HERC4: variants seen among roughly 807,000 people sequenced by gnomAD.
The protein encoded by HERC4 is HECT and RLD domain containing E3 ubiquitin protein ligase 4, also known as probable E3 ubiquitin-protein ligase HERC4.
A neutral mutation model predicts 124.3 loss-of-function variants in HERC4; 28 were observed. The ratio of observed to expected loss-of-function variants is 0.23; its 90% CI spans 0.17 to 0.31. The LOEUF is 0.31. Among genes scored for constraint, HERC4 ranks in the 10% least tolerant of loss-of-function variants. The pLI is 1.00. For missense variants in HERC4, 713 were observed against 1,229.3 expected, an observed-to-expected ratio of 0.58 and a Z score of 6.28; for synonymous variants, 407 against 421.5, an observed-to-expected ratio of 0.97 and a Z score of 0.42.
intron 21 of HERC4, among the ~76,000 whole-genome samples, chr10:67,937,163 C>T (rs1339076499): frequency 1.3e-5 from 2 of 151,564 alleles, no homozygotes; most frequent in Non-Finnish European, 2.9e-5. Flanking sequence ...TTAGATATTA[C>T]AATAAATACC....
At chr10:67,957,911 G>A (rs1370260617) in intron 16 of HERC4, among the ~76,000 whole-genome samples, 1 of 152,050 alleles carries the variant, frequency 6.6e-6, no homozygotes. Flanking sequence ...GGGTTCAAGC[G>A]ATTCTCCTGC....
intron 19 of HERC4, among the ~76,000 whole-genome samples, chr10:67,947,979 A>G (rs775984496): frequency 8.6e-5 from 13 of 151,738 alleles, no homozygotes; most frequent in Non-Finnish European, 1.8e-4. Context: ...ATGAGCCACC[A>G]TGCCCAGTCT....
chr10:68,003,328 A>ATTTTTTTT (rs34287961), intron 9 of HERC4, among the ~76,000 whole-genome samples: 1 of 130,840 alleles, frequency 7.6e-6, no homozygotes. Context: ...TGCCTGACTA[A>ATTTTTTTT]TTTTTTTTTT....
chr10:68,044,365 A>C lies in HERC4; in HGVS notation c.386+39T>G, dbSNP rs1365045302. ...AATTTAGATTAACAAATTTATTTTA[A>C]AAGATTGTTAAGGACCTCTTTCTGG... On this transcript the variant is annotated intron_variant, in intron 4 of 24. Transcript: ENST00000373700. The C allele has an allele frequency of 3.2e-6, 5 of 1,566,592 alleles. No individual in the cohort carries two copies. In the East Asian group the frequency reaches 6.8e-5, roughly 21 times the overall value.
At chr10:67,969,480 G>A (rs536298914) in intron 15 of HERC4, among the ~76,000 whole-genome samples, 1 of 152,156 alleles carries the variant, frequency 6.6e-6, no homozygotes, top group East Asian at 1.9e-4. Context: ...GGGGAAAAAA[G>A]GAAACAAGGC....
chr10:67,923,404 G>T (rs1056135709), intron 24 of HERC4, among the ~76,000 whole-genome samples: 1 of 152,096 alleles, frequency 6.6e-6, no homozygotes, highest in Non-Finnish European at 1.5e-5. Flanking sequence ...TTTTGCCATT[G>T]CCAAAACATT....
intron 7 of HERC4, among the ~76,000 whole-genome samples, chr10:68,030,140 AT>A (rs1564568497): frequency 6.6e-6 from 1 of 151,960 alleles, no homozygotes; most frequent in Admixed American, 6.6e-5. Flanking sequence ...AATTTACTGT[AT>A]TTTTAAAAAC....
intron 3 of HERC4, among the ~76,000 whole-genome samples, chr10:68,060,281 G>C (rs1420234396): frequency 6.6e-6 from 1 of 152,022 alleles, no homozygotes; most frequent in Non-Finnish European, 1.5e-5. Context: ...GGAGTGCAGT[G>C]ACACAAATAA....
At chr10:67,939,405 T>C (rs1407323127) in intron 21 of HERC4, among the ~76,000 whole-genome samples, 183 bp downstream of exon 21, 2 of 152,198 alleles carry the variant, frequency 1.3e-5, no homozygotes, top group Non-Finnish European at 2.9e-5. Flanking sequence ...CCTCACTGGA[T>C]TGCTGAGGAT....
intron 9 of HERC4, chr10:68,007,914 A>G (rs2037675038): frequency 6.6e-6 from 1 of 152,408 alleles, no homozygotes; most frequent in Non-Finnish European, 1.5e-5. Context: ...GCAGACACCC[A>G]ATCAGCAGAG....
chr10:67,966,899 G>C, intron 15 of HERC4, 97 bp from the exon 16 acceptor site: 1 of 887,428 alleles, frequency 1.1e-6, no homozygotes, highest in East Asian at 3.4e-5. Context: ...CTGTCAACCA[G>C]GCTGGAGTGC....
intron 7 of HERC4, among the ~76,000 whole-genome samples, chr10:68,029,140 T>C (rs1406650559): frequency 1.3e-5 from 2 of 152,054 alleles, no homozygotes; most frequent in Non-Finnish European, 2.9e-5. Context: ...ACTGTGCCAC[T>C]GCACTCCAAC....
intron 15 of HERC4, among the ~76,000 whole-genome samples, chr10:67,967,612 G>A (rs1013784890): frequency 6.6e-6 from 1 of 152,184 alleles, no homozygotes; most frequent in Non-Finnish European, 1.5e-5. Context: ...AATCTTTACA[G>A]TGGAGAGCAC....
intron 7 of HERC4, among the ~76,000 whole-genome samples, chr10:68,027,366 G>T (rs1394308419): frequency 1.3e-5 from 2 of 152,048 alleles, no homozygotes; most frequent in East Asian, 3.9e-4. Context: ...TTCCCTTTTG[G>T]GGGTATTTTC....
chr10:67,932,956 A>G (rs980707158), intron 22 of HERC4, among the ~76,000 whole-genome samples, 176 bp from the exon 23 acceptor site: 1 of 152,196 alleles, frequency 6.6e-6, no homozygotes, highest in African/African-American at 2.4e-5. Context: ...AAAAGCTATT[A>G]TTCTTTCTAT....
chr10:67,961,625 TC>T (rs1401613687), intron 16 of HERC4, among the ~76,000 whole-genome samples: 1 of 152,098 alleles, frequency 6.6e-6, no homozygotes, highest in African/African-American at 2.4e-5. Flanking sequence ...TGGGGGACCC[TC>T]CCCAAACTCA....
chr10:68,021,547 G>A lies in HERC4; in HGVS notation c.908+3999C>T, dbSNP rs550536538. ...TAAAATGCTGCGTGCAGTGGCTCAT[G>A]CCTGTAATCCCAGCACTTTGGGAGG... On this transcript the variant is annotated intron_variant, in intron 8 of 24. Transcript: ENST00000373700. Among the ~76,000 whole-genome samples, 35 of 152,322 alleles carry A rather than the reference G, an allele frequency of 2.3e-4. 1 individual carries two copies. The highest frequency in any genetic ancestry group is 8.2e-4 in the African/African-American group (34 of 41,580).
chr10:68,064,933 T>C (rs565739772), intron 3 of HERC4, among the ~76,000 whole-genome samples: 9 of 149,006 alleles, frequency 6.0e-5, no homozygotes, highest in South Asian at 2.1e-4. Flanking sequence ...GATCGCGCCA[T>C]GCACTCCAGC....
chr10:68,072,753 A>C (rs2041634229), intron 3 of HERC4, 130 bp downstream of exon 3: 4 of 614,978 alleles, frequency 6.5e-6, no homozygotes, highest in Non-Finnish European at 1.1e-5. Flanking sequence ...TATAATGGAA[A>C]TACATAACTT....
Sources: gnomAD v4.1 joint callset for allele counts (sites outside exome capture counted in the v4.1 genomes callset) on GRCh38, gnomAD v4.1.1 for gene constraint, MANE v1.5 for transcripts, NCBI Gene and HGNC (gene_info 2026-07-23, HGNC 2026-07-21) for gene names.